The following FOXO3 variants were observed in gnomAD, a reference collection of about 807,000 sequenced individuals.
The protein encoded by FOXO3 is forkhead box protein O3.
A neutral mutation model predicts 41.9 loss-of-function variants in FOXO3; 4 were observed. The ratio of observed to expected loss-of-function variants is 0.10; its 90% CI spans 0.05 to 0.22. The LOEUF is 0.22. Ranked by LOEUF, FOXO3 falls within the 10% of genes least tolerant of loss-of-function variation. FOXO3 has a pLI of 1.00. For synonymous variants in FOXO3, 318 were observed against 389.3 expected (o/e 0.82, Z 2.16); for missense variants, 534 against 906.8 (o/e 0.59, Z 5.28).
intron 1 of FOXO3, among the ~76,000 whole-genome samples, chr6:108,631,751 G>A (rs892321569): frequency 3.9e-5 from 6 of 152,136 alleles, no homozygotes; most frequent in African/African-American, 1.4e-4. Context: ...TGTAGGTACT[G>A]TATTTTGTTG....
chr6:108,585,731 A>G (rs548570495), intron 1 of FOXO3, among the ~76,000 whole-genome samples: 1 of 152,316 alleles, frequency 6.6e-6, no homozygotes, highest in South Asian at 2.1e-4. Flanking sequence ...GCCTTAGGAA[A>G]AGGTATCGTT....
rs150959541 is a variant in FOXO3, at chr6:108,565,026, A to G, written c.621+3197A>G. On this transcript the variant is annotated intron_variant, in intron 1 of 2. Transcript: ENST00000406360. ...TTTTTTAAAAGGTCATTTGCTAGGT[A>G]ATGGATAGTCTCACATAAGTAGCGC... Among the ~76,000 whole-genome samples, 1,363 of 152,306 alleles carry G rather than the reference A, an allele frequency of 8.9e-3. 20 individuals carry two copies. The highest frequency in any genetic ancestry group is 0.031 in the African/African-American group (1,288 of 41,556).
At chr6:108,565,414 C>CT (rs1343256635) in intron 1 of FOXO3, among the ~76,000 whole-genome samples, 52 of 152,340 alleles carry the variant, frequency 3.4e-4, no homozygotes, top group Non-Finnish European at 1.5e-5. Flanking sequence ...TAAGCTTGCA[C>CT]TGCACCCATG....
chr6:108,598,610 T>C (rs1426403460), intron 1 of FOXO3, among the ~76,000 whole-genome samples: 1 of 152,048 alleles, frequency 6.6e-6, no homozygotes, highest in African/African-American at 2.4e-5. Context: ...TTTTAAAAGG[T>C]CTGGGGCTGT....
chr6:108,640,215 G>A (rs564318118), intron 1 of FOXO3, among the ~76,000 whole-genome samples: 86 of 152,336 alleles, frequency 5.6e-4, no homozygotes, highest in African/African-American at 2.0e-3. Context: ...GATAAGAAAG[G>A]TAGGGATGAT....
At chr6:108,601,329 A>T (rs1777048747) in intron 1 of FOXO3, among the ~76,000 whole-genome samples, 1 of 151,886 alleles carries the variant, frequency 6.6e-6, no homozygotes, top group African/African-American at 2.4e-5. Context: ...TTTGAGACAG[A>T]GTCTTGCTCT....
chr6:108,599,328 C>T (rs562648426), intron 1 of FOXO3, among the ~76,000 whole-genome samples: 28 of 152,320 alleles, frequency 1.8e-4, no homozygotes, highest in African/African-American at 6.5e-4. Flanking sequence ...TATTTTTATA[C>T]ATCTCAGCTC....
At chr6:108,645,461 T>C (rs1182045458) in intron 1 of FOXO3, among the ~76,000 whole-genome samples, 1 of 143,580 alleles carries the variant, frequency 7.0e-6, no homozygotes, top group Non-Finnish European at 1.5e-5. Context: ...AGAATTGCTT[T>C]TTTTTTTTTT....
At chr6:108,593,241 A>G (rs1776779385) in intron 1 of FOXO3, among the ~76,000 whole-genome samples, 1 of 152,112 alleles carries the variant, frequency 6.6e-6, no homozygotes, top group Non-Finnish European at 1.5e-5. Flanking sequence ...GGGTGTGCAG[A>G]TATTTTAGGT....
chr6:108,617,080 CT>C (rs1777536437), intron 1 of FOXO3, among the ~76,000 whole-genome samples: 1 of 152,174 alleles, frequency 6.6e-6, no homozygotes, highest in Non-Finnish European at 1.5e-5. Flanking sequence ...AATAATGCTG[CT>C]GTGAACATTT....
intron 2 of FOXO3, among the ~76,000 whole-genome samples, chr6:108,666,084 T>C (rs1412380962): frequency 6.6e-6 from 1 of 152,134 alleles, no homozygotes; most frequent in Non-Finnish European, 1.5e-5. Flanking sequence ...TCTACCACTT[T>C]CTTGCTACCA....
chr6:108,649,267 A>G (rs1439759758), intron 1 of FOXO3, among the ~76,000 whole-genome samples: 3 of 152,108 alleles, frequency 2.0e-5, no homozygotes, highest in African/African-American at 7.2e-5. Context: ...AATCATTTGT[A>G]ATAGGCAGTA....
chr6:108,681,199 A>G lies in FOXO3; in HGVS notation c.*1407A>G, dbSNP rs1324038611. Reference sequence around the variant, plus strand: ...GAATAGTTGGGACCACCTTTGGTACATAAGAAATTGGTATAACGATGCTCT... The same window carrying G: ...GAATAGTTGGGACCACCTTTGGTACGTAAGAAATTGGTATAACGATGCTCT... On this transcript the variant is annotated 3_prime_UTR_variant, in exon 3 of 3. Coordinates refer to ENST00000406360, the MANE Select transcript of FOXO3 (RefSeq NM_001455.4). The G allele has an allele frequency of 2.0e-5, 3 of 152,682 alleles. No individual in the cohort carries two copies. Among genetic ancestry groups the G allele is most frequent in the Non-Finnish European group, 4.4e-5 (3 of 68,044 alleles). The allele number at this position is 152,682 out of a possible 1,614,324, so 9.5% of individuals were successfully genotyped here.
At chr6:108,659,614 T>C (rs1251397042) in intron 1 of FOXO3, among the ~76,000 whole-genome samples, 1 of 152,028 alleles carries the variant, frequency 6.6e-6, no homozygotes, top group African/African-American at 2.4e-5. Context: ...GCTCAGTAAC[T>C]GACAGTGCTG....
Position 108,664,455 on chromosome 6 carries a change from A to G in FOXO3, c.1622A>G (p.Gln541Arg), listed in dbSNP as rs1248473432. Residue 541 changes from glutamine (Q) to arginine (R), a missense_variant, in exon 2 of 3, where the codon CAG (glutamine) becomes CGG (arginine). Around this residue, in one of 8 missense-constraint regions of FOXO3, gnomAD observed 94 missense variants for 214.4 expected, o/e 0.44. Coordinates refer to ENST00000406360, the MANE Select transcript of FOXO3 (RefSeq NM_001455.4). The part of the protein sequence containing the change: ...QNLLHHQHQT[Q>R]GALGGSRALS... ...TTGCTCCACCACCAGCACCAAACCC[A>G]GGGCGCTCTTGGTGGCAGCCGTGCC... is the stretch of plus-strand genomic sequence containing the variant. 1 of 1,611,472 alleles carries G rather than the reference A, an allele frequency of 6.2e-7. No individual in the cohort carries two copies. Among genetic ancestry groups the G allele is most frequent in the Non-Finnish European group, 8.5e-7 (1 of 1,178,556 alleles).
In FOXO3 at chr6:108,652,807, T is replaced by A. The variant is rs138848777; in HGVS notation, c.622-10648T>A. On this transcript the variant is annotated intron_variant, in intron 1 of 2. Transcript: ENST00000406360. The stretch of plus-strand genomic sequence containing the variant: ...CTAGGTGCTTGTGTAGAGGAGACTT[T>A]AGAACCAGAATGTGTTATTTGTGGT... Among the ~76,000 whole-genome samples, 32 of 152,316 alleles carry A rather than the reference T, an allele frequency of 2.1e-4. 1 individual carries two copies. The highest frequency in any genetic ancestry group is 7.2e-4 in the African/African-American group (30 of 41,580).
intron 2 of FOXO3, among the ~76,000 whole-genome samples, chr6:108,671,391 C>A (rs1779213977): frequency 6.6e-6 from 1 of 152,202 alleles, no homozygotes; most frequent in Admixed American, 6.5e-5. Flanking sequence ...AAAAAGCCTC[C>A]CCTGCAGCCC....
rs191417422 is a variant in FOXO3, at chr6:108,635,280, G to T, written c.622-28175G>T. On this transcript the variant is annotated intron_variant, in intron 1 of 2. Transcript: ENST00000406360. ...ACTGTACTGTGGCCTGGGCAACAGA[G>T]CAAGACTCCATCTCAAAAAAAAATA... Among the ~76,000 whole-genome samples the T allele has an allele frequency of 5.7e-3, 865 of 152,148 alleles. 10 individuals are homozygous for T. The highest frequency in any genetic ancestry group is 0.05 in the South Asian group (242 of 4,822).
At chr6:108,617,388 CAT>C (rs1319473689) in intron 1 of FOXO3, among the ~76,000 whole-genome samples, 1 of 151,870 alleles carries the variant, frequency 6.6e-6, no homozygotes, top group Non-Finnish European at 1.5e-5. Flanking sequence ...GTGAATTTTA[CAT>C]AGTTTTTTTT....
Sources: allele counts gnomAD v4.1 joint callset (sites outside exome capture counted in the v4.1 genomes callset), GRCh38; gene constraint gnomAD v4.1.1; regional missense constraint gnomAD v4.1.1; transcripts MANE v1.5; gene names NCBI Gene and HGNC (gene_info 2026-07-23, HGNC 2026-07-21).